Variants in PARD3B observed in about 807,000 individuals in gnomAD.
PARD3B encodes partitioning defective 3 homolog B.
PARD3B carries 103 observed loss-of-function variants against 130.2 expected under a neutral mutation model. The ratio of observed to expected loss-of-function variants is 0.79; its 90% CI spans 0.67 to 0.93. The LOEUF is 0.93. Ranked by LOEUF, PARD3B falls within the 40% of genes least tolerant of loss-of-function variation. The pLI is 0.00. For missense variants in PARD3B, 1,609 were observed against 1,499.2 expected (o/e 1.07, Z -1.21); for synonymous variants, 583 against 553.2 (o/e 1.05, Z -0.76).
intron 2 of PARD3B, among the ~76,000 whole-genome samples, chr2:204,712,338 C>T (rs771254623): frequency 3.3e-5 from 5 of 151,878 alleles, no homozygotes; most frequent in Non-Finnish European, 5.9e-5. Flanking sequence ...ATAGGCTGGC[C>T]GCAGTGGCTC....
chr2:204,963,351 ATGT>A (rs1266900709), intron 2 of PARD3B, among the ~76,000 whole-genome samples: 2 of 152,130 alleles, frequency 1.3e-5, no homozygotes, highest in Non-Finnish European at 2.9e-5. Flanking sequence ...CTTCTAGTTG[ATGT>A]TCTATTTTTT....
chr2:204,857,880 AC>A (rs1230628887), intron 2 of PARD3B, among the ~76,000 whole-genome samples: 3 of 152,012 alleles, frequency 2.0e-5, no homozygotes, highest in Non-Finnish European at 4.4e-5. Flanking sequence ...GAGATTCTGA[AC>A]CCCATTAAGA....
intron 2 of PARD3B, among the ~76,000 whole-genome samples, chr2:204,951,798 A>G (rs1023818506): frequency 2.0e-5 from 3 of 152,200 alleles, no homozygotes; most frequent in African/African-American, 7.2e-5. Flanking sequence ...AAACCAGCTG[A>G]ATCCTGGCAA....
At chr2:204,914,725 A>G (rs2047377571) in intron 2 of PARD3B, among the ~76,000 whole-genome samples, 1 of 152,168 alleles carries the variant, frequency 6.6e-6, no homozygotes, top group South Asian at 2.1e-4. Flanking sequence ...CTGTACAGAG[A>G]GAGGGAAAGA....
Position 205,122,638 on chromosome 2 carries a change from A to T in PARD3B, c.1165+689A>T, listed in dbSNP as rs538113908. Among the ~76,000 whole-genome samples the T allele has an allele frequency of 1.7e-3, 254 of 152,266 alleles. 2 individuals are homozygous for T. Among genetic ancestry groups the T allele is most frequent in the African/African-American group, 6.0e-3 (249 of 41,544 alleles). On this transcript the variant is annotated intron_variant, in intron 8 of 22. Transcript: ENST00000406610. The surrounding 1 kb of genome is among the most constrained non-coding windows in gnomAD (Gnocchi z 4.3). ...CTTTATATTACCTTCCCCCATTGCA[A>T]CCTTCTGAAATTCTGTGTTTTTCAA...
In PARD3B at chr2:205,292,747, A is replaced by T. The variant is rs760616306; in HGVS notation, c.2186-7783A>T. Among the ~76,000 whole-genome samples, 1 of 152,194 alleles carries T rather than the reference A, an allele frequency of 6.6e-6. No individual in the cohort carries two copies. Among genetic ancestry groups the T allele is most frequent in the Non-Finnish European group, 1.5e-5 (1 of 68,030 alleles). ...CATGAACATACAGTTGAATTTGGGT[A>T]AGATCAATTGTGTGTGATTAGACTT... On this transcript the variant is annotated intron_variant, in intron 16 of 22. Coordinates refer to ENST00000406610, the MANE Select transcript of PARD3B (RefSeq NM_001302769.2). The surrounding 1 kb of genome is among the most constrained non-coding windows in gnomAD (Gnocchi z 5.3).
At chr2:205,318,671 T>C (rs1168658797) in intron 18 of PARD3B, among the ~76,000 whole-genome samples, 3 of 152,170 alleles carry the variant, frequency 2.0e-5, no homozygotes, top group Non-Finnish European at 2.9e-5. Flanking sequence ...AGTTCTTGCA[T>C]TGTTAAAAAC....
At chr2:204,863,962 A>G (rs2045313025) in intron 2 of PARD3B, among the ~76,000 whole-genome samples, 1 of 151,962 alleles carries the variant, frequency 6.6e-6, no homozygotes, top group African/African-American at 2.4e-5. Flanking sequence ...CCCATGGTTT[A>G]TAATTCCAAA....
intron 2 of PARD3B, among the ~76,000 whole-genome samples, chr2:204,852,055 A>C (rs1407383761): frequency 6.6e-6 from 1 of 152,198 alleles, no homozygotes; most frequent in African/African-American, 2.4e-5. Flanking sequence ...AATCACTACA[A>C]CTCCCACAGA....
intron 2 of PARD3B, among the ~76,000 whole-genome samples, chr2:204,742,015 C>G (rs1351376020): frequency 1.3e-5 from 2 of 152,104 alleles, no homozygotes; most frequent in Non-Finnish European, 2.9e-5. Context: ...ACACTTCACC[C>G]AGGATCTACT....
intron 2 of PARD3B, among the ~76,000 whole-genome samples, chr2:204,896,926 A>T (rs1426492868): frequency 6.6e-6 from 1 of 152,202 alleles, no homozygotes; most frequent in Non-Finnish European, 1.5e-5. Context: ...TGAACACATA[A>T]AAATGATTAT....
rs2047046716 is a variant in PARD3B at position 204,906,480 on chromosome 2, G to C, written c.223-58672G>C. 6.6e-6 allele frequency among the ~76,000 whole-genome samples: 1 copy of C among 152,112 alleles called. No homozygotes were observed. Among genetic ancestry groups the C allele is most frequent in the African/African-American group, 2.4e-5 (1 of 41,400 alleles). ...CTCCTCCCGTGCCAGTTATATATAT[G>C]GGCAGTAGACCTTATTATTAACTAG... On this transcript the variant is annotated intron_variant, in intron 2 of 22. Coordinates refer to ENST00000406610, the MANE Select transcript of PARD3B (RefSeq NM_001302769.2). The surrounding 1 kb of genome is among the most constrained non-coding windows in gnomAD (Gnocchi z 4.3).
chr2:204,571,923 AC>A (rs1245167302), intron 1 of PARD3B, among the ~76,000 whole-genome samples: 5 of 152,222 alleles, frequency 3.3e-5, no homozygotes, highest in Admixed American at 2.6e-4. Context: ...TGTAAATGTG[AC>A]TTAAAAGGTC....
At chr2:204,667,437 G>A (rs186015353) in intron 1 of PARD3B, among the ~76,000 whole-genome samples, 4 of 152,098 alleles carry the variant, frequency 2.6e-5, no homozygotes, top group Admixed American at 2.6e-4. Context: ...ACTTACCAAT[G>A]TGTATGTCCT....
chr2:204,715,316 A>G (rs1052101385), intron 2 of PARD3B, among the ~76,000 whole-genome samples: 2 of 152,204 alleles, frequency 1.3e-5, no homozygotes, highest in African/African-American at 4.8e-5. Context: ...AAATTTTAAG[A>G]GCAAAATTCT....
In PARD3B at chr2:205,125,629, C is replaced by A. The variant is rs2276676; in HGVS notation, c.1326C>A (p.Thr442=). Residue 442 remains threonine, a synonymous_variant, in exon 10 of 23, where the codon ACC becomes ACA. Transcript: ENST00000406610. The surrounding 1 kb of genome is among the most constrained non-coding windows in gnomAD (Gnocchi z 4.0). ...RILEVNGRDV[T]GRTQEELVAM... is the part of the protein sequence containing the mutation. ...ATTAGGTAAATGGGAGAGATGTCAC[C>A]GGACGAACCCAGGAAGAGCTTGTGG... 14 of 1,613,716 alleles carry A rather than the reference C, an allele frequency of 8.7e-6. No homozygotes were observed. In the African/African-American group the frequency reaches 1.7e-4, roughly 20 times the overall value.
chr2:204,696,329 C>A (rs1163286822), intron 2 of PARD3B, among the ~76,000 whole-genome samples: 1 of 152,062 alleles, frequency 6.6e-6, no homozygotes, highest in Non-Finnish European at 1.5e-5. Context: ...CAAATAACCA[C>A]TGAACCTTAA....
chr2:204,794,925 T>G (rs1201333443), intron 2 of PARD3B, among the ~76,000 whole-genome samples: 1 of 152,204 alleles, frequency 6.6e-6, no homozygotes, highest in Non-Finnish European at 1.5e-5. Context: ...CTTATCATCA[T>G]TAATATAAAT....
rs146460397 is a variant in PARD3B, at chr2:205,444,817, A to G, written c.3044+4145A>G. The stretch of plus-strand genomic sequence containing the variant: ...AAACAAAGACAAAGATGTTTAGCAG[A>G]TATCACAGACATGAGGCTTTCAAAT... On this transcript the variant is annotated intron_variant, in intron 20 of 22. Coordinates refer to ENST00000406610, the MANE Select transcript of PARD3B (RefSeq NM_001302769.2). Among the ~76,000 whole-genome samples the G allele has an allele frequency of 4.6e-5, 7 of 152,376 alleles. No homozygotes were observed. The South Asian group carries it at 1.0e-3, about 23-fold the overall frequency.
Sources: allele counts gnomAD v4.1 joint callset (sites outside exome capture counted in the v4.1 genomes callset), GRCh38; gene constraint gnomAD v4.1.1; non-coding constraint Gnocchi (gnomAD v3.1); transcripts MANE v1.5; gene names NCBI Gene and HGNC (gene_info 2026-07-23, HGNC 2026-07-21).